The following PCDHGA8 variants were observed in gnomAD, a reference collection of about 807,000 sequenced individuals.
The protein encoded by PCDHGA8 is protocadherin gamma subfamily A, 8.
In PCDHGA8, 45 loss-of-function variants were observed where a neutral mutation model predicts 59.2. The ratio of observed to expected loss-of-function variants is 0.76; its 90% CI spans 0.60 to 0.98. PCDHGA8 has a LOEUF of 0.98. Ranked by LOEUF, PCDHGA8 falls within the 50% of genes least tolerant of loss-of-function variation. The pLI, the probability that PCDHGA8 is intolerant of heterozygous loss-of-function variation, is 0.00. For synonymous variants in PCDHGA8, 531 were observed against 519.0 expected (o/e 1.02, Z -0.32); for missense variants, 1,257 against 1,196.2 (o/e 1.05, Z -0.75).
At chr5:141,472,998 GAAAGAA>G (rs1489589280) in intron 1 of PCDHGA8, among the ~76,000 whole-genome samples, 8 of 134,744 alleles carry the variant, frequency 5.9e-5, no homozygotes, top group South Asian at 2.3e-4. Flanking sequence ...AAAAAAAAAA[GAAAGAA>G]AAAGAAAAAG....
At chr5:141,455,537 A>G (rs1158681837) in intron 1 of PCDHGA8, among the ~76,000 whole-genome samples, 2 of 152,162 alleles carry the variant, frequency 1.3e-5, no homozygotes, top group Non-Finnish European at 2.9e-5. Flanking sequence ...CAGGCATATC[A>G]TTCACGTAGC....
rs2097401329 is a variant in PCDHGA8 at position 141,431,623 on chromosome 5, G to A, written c.2424+36386G>A. 1 of 1,614,192 alleles carries A rather than the reference G, an allele frequency of 6.2e-7. No homozygotes were observed. The highest frequency in any genetic ancestry group is 1.7e-5 in the Admixed American group (1 of 60,028). On this transcript the variant is annotated intron_variant, in intron 1 of 3. Coordinates refer to ENST00000398604, the MANE Select transcript of PCDHGA8 (RefSeq NM_032088.2). This position sits in a 1 kb window ranked among gnomAD's most constrained non-coding sequence, Gnocchi z 4.8. ...CCTTCCGGTATGTGGACGACAAGGC[G>A]GCCCAAGTTTTCAAACTAGATTGTA...
intron 1 of PCDHGA8, among the ~76,000 whole-genome samples, chr5:141,425,105 G>C (rs1227234896): frequency 2.0e-5 from 3 of 152,236 alleles, no homozygotes; most frequent in African/African-American, 7.2e-5. Flanking sequence ...TCCAACAGAT[G>C]CCTACATTTT....
chr5:141,486,578 C>A lies in PCDHGA8; in HGVS notation c.2425-8229C>A, dbSNP rs780578882. 5 of 1,613,610 alleles carry A rather than the reference C, an allele frequency of 3.1e-6. No homozygotes were observed. In the Admixed American group the frequency reaches 6.7e-5, roughly 22 times the overall value. On this transcript the variant is annotated intron_variant, in intron 1 of 3. Coordinates refer to ENST00000398604, the MANE Select transcript of PCDHGA8 (RefSeq NM_032088.2). The surrounding 1 kb of genome is among the most constrained non-coding windows in gnomAD (Gnocchi z 5.0). Reference sequence around the variant, plus strand: ...TGAGGTGTTTGTTCCTGAGAACAATCGCCCAGGGGACCTGCTTTGCTCCCT... The same window carrying A: ...TGAGGTGTTTGTTCCTGAGAACAATAGCCCAGGGGACCTGCTTTGCTCCCT...
intron 1 of PCDHGA8, chr5:141,427,607 T>C (rs1157037825): frequency 1.5e-6 from 1 of 688,594 alleles, no homozygotes; most frequent in Non-Finnish European, 2.7e-6. Context: ...TACGCATTGG[T>C]GAAGTCAACG....
chr5:141,394,359 G>A lies in PCDHGA8; in HGVS notation c.1546G>A (p.Ala516Thr). 1.9e-6 allele frequency: 3 copies of A among 1,614,204 alleles called. No individual in the cohort carries two copies. The highest frequency in any genetic ancestry group is 2.5e-6 in the Non-Finnish European group (3 of 1,180,040). ...SINSDTGVLYALQSFDYEQIR... is the reference protein window; with the variant it reads ...SINSDTGVLYTLQSFDYEQIR... Reference sequence around the variant, plus strand: ...CAACTCTGACACCGGTGTCCTGTATGCGCTGCAATCTTTCGACTATGAGCA... The same window carrying A: ...CAACTCTGACACCGGTGTCCTGTATACGCTGCAATCTTTCGACTATGAGCA... Residue 516 changes from alanine to threonine, a missense_variant, in exon 1 of 4, where the codon GCG (alanine) becomes ACG (threonine). Ala to Thr is a moderately conservative substitution (Grantham distance 58, BLOSUM62 0). Coordinates refer to ENST00000398604, the MANE Select transcript of PCDHGA8 (RefSeq NM_032088.2).
intron 1 of PCDHGA8, chr5:141,427,435 T>C (rs536693959): frequency 2.1e-6 from 1 of 474,160 alleles, no homozygotes; most frequent in African/African-American, 2.0e-5. Flanking sequence ...ACATGCCTCA[T>C]AAACGAAAGA....
chr5:141,467,268 G>C lies in PCDHGA8; in HGVS notation c.2425-27539G>C, dbSNP rs1195615721. On this transcript the variant is annotated intron_variant, in intron 1 of 3. Transcript: ENST00000398604. The stretch of plus-strand genomic sequence containing the variant: ...GGGTTTCACCATGTTGGCCAGGCTG[G>C]TCTCGAACTCTTGACCTCAAGTGAT... Among the ~76,000 whole-genome samples, 3 of 152,030 alleles carry C rather than the reference G, an allele frequency of 2.0e-5. No homozygotes were observed. The South Asian group carries it at 6.2e-4, about 32-fold the overall frequency.
chr5:141,463,590 A>G (rs975534405), intron 1 of PCDHGA8, among the ~76,000 whole-genome samples: 3 of 151,848 alleles, frequency 2.0e-5, no homozygotes, highest in African/African-American at 7.3e-5. Flanking sequence ...CTGGGACTAC[A>G]GGTGCCTGCC....
chr5:141,448,851 A>T (rs1374003271), intron 1 of PCDHGA8, among the ~76,000 whole-genome samples: 1 of 152,124 alleles, frequency 6.6e-6, no homozygotes, highest in Admixed American at 6.5e-5. Context: ...AGGCTGAGGC[A>T]GGAGAATGGC....
intron 1 of PCDHGA8, among the ~76,000 whole-genome samples, chr5:141,437,164 T>C (rs1262289843): frequency 1.3e-5 from 2 of 152,226 alleles, no homozygotes; most frequent in Non-Finnish European, 2.9e-5. Flanking sequence ...GTGTTGATTG[T>C]TTTCTGAGAC....
At position 141,511,940 on chromosome 5, in the gene PCDHGA8, G is replaced by A. The variant is rs2099884015; in HGVS notation, c.*767G>A. 1 of 154,118 alleles carries A rather than the reference G, an allele frequency of 6.5e-6. No homozygotes were observed. The highest frequency in any genetic ancestry group is 1.9e-4 in the East Asian group (1 of 5,214). 9.5% of individuals were successfully genotyped at this position (154,118 alleles called of 1,614,324 possible). ...TCCACTGCATGTTCCAAGACAGTAT[G>A]GGGTGGTAAGATAAGGAAGGGAAGT... On this transcript the variant is annotated 3_prime_UTR_variant, in exon 4 of 4. Coordinates refer to ENST00000398604, the MANE Select transcript of PCDHGA8 (RefSeq NM_032088.2).
In PCDHGA8 at chr5:141,485,578, G is replaced by A; in HGVS notation, c.2425-9229G>A. ...ATGATCACGCCCCCCGTTTTCCGCG[G>A]CAGCAGCTGGACTTGGAAATTGGGG... is the stretch of plus-strand genomic sequence containing the variant. On this transcript the variant is annotated intron_variant, in intron 1 of 3. Transcript: ENST00000398604. This position sits in a 1 kb window ranked among gnomAD's most constrained non-coding sequence, Gnocchi z 5.7. 6.2e-7 allele frequency: 1 copy of A among 1,612,362 alleles called. No homozygotes were observed. Among genetic ancestry groups the A allele is most frequent in the Non-Finnish European group, 8.5e-7 (1 of 1,178,688 alleles).
At chr5:141,506,962 G>A (rs2099857578) in intron 3 of PCDHGA8, 1 of 152,196 alleles carries the variant, frequency 6.6e-6, no homozygotes, top group Non-Finnish European at 1.5e-5. Context: ...CCTCTCAATA[G>A]CTCTGCAAGG....
chr5:141,422,494 T>G lies in PCDHGA8; in HGVS notation c.2424+27257T>G, dbSNP rs772798862. On this transcript the variant is annotated intron_variant, in intron 1 of 3. Transcript: ENST00000398604. ...GTTGGTCCAGAGCTACAATATAACG[T>G]TGACAGCCACAGACCAGGGAAGCCC... The G allele has an allele frequency of 3.5e-5, 56 of 1,613,848 alleles. No homozygotes were observed. Among genetic ancestry groups the G allele is most frequent in the Non-Finnish European group, 1.0e-5 (12 of 1,179,896 alleles).
Position 141,392,745 on chromosome 5 carries a change from G to T in PCDHGA8, c.-69G>T. The T allele has an allele frequency of 6.9e-7, 1 of 1,441,296 alleles. No individual in the cohort carries two copies. Among genetic ancestry groups the T allele is most frequent in the Non-Finnish European group, 9.1e-7 (1 of 1,094,958 alleles). 89.3% of individuals were successfully genotyped at this position (1,441,296 alleles called of 1,614,324 possible). A position where few individuals can be genotyped will look rare whatever the true frequency, so the allele number is the denominator to read the frequency against. On this transcript the variant is annotated 5_prime_UTR_variant, in exon 1 of 4. Coordinates refer to ENST00000398604, the MANE Select transcript of PCDHGA8 (RefSeq NM_032088.2). ...GGAGGATTGTCATCTCCATAGCTGC[G>T]GCAAGAAACTAAATAAGACCCATTT...
intron 1 of PCDHGA8, chr5:141,419,377 C>A (rs2096371335): frequency 6.2e-7 from 1 of 1,613,572 alleles, no homozygotes; most frequent in African/African-American, 1.3e-5. Flanking sequence ...CCTACGTGTC[C>A]GTGAGCGCGC....
rs2099394923 is a variant in PCDHGA8 at position 141,476,611 on chromosome 5, A to G, written c.2425-18196A>G. On this transcript the variant is annotated intron_variant, in intron 1 of 3. Coordinates refer to ENST00000398604, the MANE Select transcript of PCDHGA8 (RefSeq NM_032088.2). The surrounding 1 kb of genome is among the most constrained non-coding windows in gnomAD (Gnocchi z 7.6). ...AGAGCGCGCACGATCCCGATGTGGG[A>G]AGCAACTCTTTACAAACCTATGAGC... 6.2e-7 allele frequency: 1 copy of G among 1,614,092 alleles called. No individual in the cohort carries two copies. Among genetic ancestry groups the G allele is most frequent in the Non-Finnish European group, 8.5e-7 (1 of 1,180,042 alleles).
chr5:141,441,883 A>T, intron 1 of PCDHGA8: 1 of 343,546 alleles, frequency 2.9e-6, no homozygotes, highest in South Asian at 2.6e-5. Context: ...CTACCTGGTC[A>T]CCAAGGTGGT....
Sources: gnomAD v4.1 joint callset for allele counts (sites outside exome capture counted in the v4.1 genomes callset) on GRCh38, gnomAD v4.1.1 for gene constraint, Gnocchi (gnomAD v3.1) non-coding constraint, MANE v1.5 for transcripts, NCBI Gene and HGNC (gene_info 2026-07-23, HGNC 2026-07-21) for gene names.